PRKCA: variants seen among roughly 807,000 people sequenced by gnomAD.
PRKCA encodes protein kinase C alpha type.
In PRKCA, 27 loss-of-function variants were observed where a neutral mutation model predicts 87.0. That is an observed-to-expected ratio of 0.31 (90% CI 0.23 to 0.43). The LOEUF (loss-of-function observed/expected upper bound fraction) is 0.43, where lower values mean the gene tolerates loss of function less well. Ranked by LOEUF, PRKCA falls within the 20% of genes least tolerant of loss-of-function variation. PRKCA has a pLI of 1.00. For synonymous variants in PRKCA, 329 were observed against 311.1 expected (o/e 1.06, Z -0.61); for missense variants, 518 against 852.3 (o/e 0.61, Z 4.88).
chr17:66,624,223 T>G (rs1970777088), intron 3 of PRKCA, among the ~76,000 whole-genome samples: 2 of 151,170 alleles, frequency 1.3e-5, no homozygotes, highest in Non-Finnish European at 3.0e-5. Context: ...ACCGAGAGGC[T>G]AGATATGGGG....
chr17:66,455,617 A>G (rs1334843039), intron 2 of PRKCA, among the ~76,000 whole-genome samples: 1 of 152,248 alleles, frequency 6.6e-6, no homozygotes, highest in African/African-American at 2.4e-5. Flanking sequence ...CCATCAACTT[A>G]GTGGACTTGG....
rs1435438926 is a variant in PRKCA, at chr17:66,373,602, A to C, written c.205+67475A>C. 2.0e-5 allele frequency among the ~76,000 whole-genome samples: 3 copies of C among 152,216 alleles called. No individual in the cohort carries two copies. The South Asian group carries it at 6.2e-4, about 32-fold the overall frequency. ...CATTTTCTTTTTTCTTCCAACAGCC[A>C]GTTATTAAGTCAACCAACAAATAAT... On this transcript the variant is annotated intron_variant, in intron 2 of 16. Coordinates refer to ENST00000413366, the MANE Select transcript of PRKCA (RefSeq NM_002737.3).
intron 2 of PRKCA, among the ~76,000 whole-genome samples, chr17:66,348,910 A>G (rs1320298732): frequency 2.0e-5 from 3 of 152,354 alleles, no homozygotes; most frequent in South Asian, 2.1e-4. Context: ...TCTCCAAAAT[A>G]GAGACTTCCT....
At chr17:66,336,474 G>A (rs914236281) in intron 2 of PRKCA, among the ~76,000 whole-genome samples, 1 of 152,126 alleles carries the variant, frequency 6.6e-6, no homozygotes, top group African/African-American at 2.4e-5. Flanking sequence ...AAGGAAGAAG[G>A]AATGTTTCCA....
intron 8 of PRKCA, among the ~76,000 whole-genome samples, chr17:66,728,061 A>G (rs1973799129): frequency 6.6e-6 from 1 of 152,222 alleles, no homozygotes; most frequent in Non-Finnish European, 1.5e-5. Context: ...CTACCATAAC[A>G]GAGCTGCTTT....
chr17:66,727,422 C>T (rs557709058), intron 8 of PRKCA, among the ~76,000 whole-genome samples: 197 of 152,056 alleles, frequency 1.3e-3, no homozygotes, highest in Middle Eastern at 6.8e-3. Flanking sequence ...GTTCCTGGAA[C>T]GGCCGTGGCA....
chr17:66,666,584 A>G (rs989449452), intron 5 of PRKCA, among the ~76,000 whole-genome samples: 7 of 152,206 alleles, frequency 4.6e-5, no homozygotes, highest in Non-Finnish European at 8.8e-5. Flanking sequence ...CCAAAGAAAG[A>G]TCTTGCTTTC....
At chr17:66,373,083 G>A (rs1909210719) in intron 2 of PRKCA, among the ~76,000 whole-genome samples, 1 of 151,978 alleles carries the variant, frequency 6.6e-6, no homozygotes, top group Admixed American at 6.6e-5. Context: ...CAAAGGGAGA[G>A]AGATTGATTT....
chr17:66,355,042 G>C (rs554317408), intron 2 of PRKCA, among the ~76,000 whole-genome samples: 1 of 152,190 alleles, frequency 6.6e-6, no homozygotes, highest in African/African-American at 2.4e-5. Flanking sequence ...CAGAGTGAAC[G>C]TGGAAATGAT....
At chr17:66,584,094 G>A (rs561698192) in intron 3 of PRKCA, among the ~76,000 whole-genome samples, 2 of 152,130 alleles carry the variant, frequency 1.3e-5, no homozygotes, top group South Asian at 4.1e-4. Context: ...CTTCCCCCAC[G>A]TCGTCCTGGC....
intron 16 of PRKCA, chr17:66,796,905 C>T (rs969811304): frequency 1.0e-5 from 10 of 985,266 alleles, no homozygotes; most frequent in East Asian, 1.1e-4. Context: ...GCTCCCACCT[C>T]GTTAGGTTTC....
In PRKCA at chr17:66,622,617, A is replaced by T. The variant is rs561631630; in HGVS notation, c.289-18738A>T. 2.0e-5 allele frequency among the ~76,000 whole-genome samples: 3 copies of T among 152,314 alleles called. No homozygotes were observed. In the East Asian group the frequency reaches 5.8e-4, roughly 29 times the overall value. The stretch of plus-strand genomic sequence containing the variant: ...GGGTAATTAACTCAATAAACAAGGG[A>T]ACTGACTTGTATTAGTCCATTTTCA... On this transcript the variant is annotated intron_variant, in intron 3 of 16. Coordinates refer to ENST00000413366, the MANE Select transcript of PRKCA (RefSeq NM_002737.3).
chr17:66,771,798 G>A (rs897357313), intron 13 of PRKCA, among the ~76,000 whole-genome samples: 2 of 152,074 alleles, frequency 1.3e-5, no homozygotes, highest in African/African-American at 4.8e-5. Flanking sequence ...GTTTTACCAT[G>A]TTGTCCAGGA....
intron 13 of PRKCA, among the ~76,000 whole-genome samples, chr17:66,764,516 A>T (rs1014001295): frequency 7.2e-5 from 11 of 152,154 alleles, no homozygotes; most frequent in Admixed American, 2.0e-4. Flanking sequence ...GCTCATTCAT[A>T]TCTCACTTTT....
intron 5 of PRKCA, among the ~76,000 whole-genome samples, chr17:66,663,759 C>T (rs1227855196): frequency 2.0e-5 from 3 of 152,152 alleles, no homozygotes; most frequent in African/African-American, 7.2e-5. Context: ...ATAGTGACAC[C>T]TTCCCCGGCC....
At chr17:66,375,022 C>T (rs983768366) in intron 2 of PRKCA, among the ~76,000 whole-genome samples, 4 of 151,338 alleles carry the variant, frequency 2.6e-5, no homozygotes, top group Admixed American at 6.6e-5. Flanking sequence ...CATGAGACAC[C>T]GCACCCGGCC....
At chr17:66,405,031 T>A (rs28591235) in intron 2 of PRKCA, among the ~76,000 whole-genome samples, 6,859 of 152,088 alleles carry the variant, frequency 0.045, 355 homozygotes, top group African/African-American at 0.13. Context: ...ATTACAGGTG[T>A]GAGCCACTGC....
Position 66,410,612 on chromosome 17 carries a change from G to A in PRKCA, c.206-85589G>A, listed in dbSNP as rs144451539. Among the ~76,000 whole-genome samples, 458 of 152,292 alleles carry A rather than the reference G, an allele frequency of 3.0e-3. 3 individuals are homozygous for A. The highest frequency in any genetic ancestry group is 0.011 in the African/African-American group (439 of 41,550). Reference sequence around the variant, plus strand: ...TTTGTTTGAGACAGAGTCTCACTCTGTTACTCAGGCTGGAGTGTGGTGGCG... The same window carrying A: ...TTTGTTTGAGACAGAGTCTCACTCTATTACTCAGGCTGGAGTGTGGTGGCG... On this transcript the variant is annotated intron_variant, in intron 2 of 16. Transcript: ENST00000413366.
intron 13 of PRKCA, among the ~76,000 whole-genome samples, chr17:66,759,471 T>C (rs1974631671): frequency 7.5e-6 from 1 of 133,492 alleles, no homozygotes; most frequent in Non-Finnish European, 1.6e-5. Flanking sequence ...AAAGAAACAA[T>C]GGAATCATAT....
Sources: allele counts gnomAD v4.1 joint callset (sites outside exome capture counted in the v4.1 genomes callset), GRCh38; gene constraint gnomAD v4.1.1; transcripts MANE v1.5; gene names NCBI Gene and HGNC (gene_info 2026-07-23, HGNC 2026-07-21).